Variants in COL10A1 observed in about 807,000 individuals in gnomAD.
COL10A1 encodes collagen type X alpha 1 chain, also known as collagen alpha-1(X) chain.
A neutral mutation model predicts 18.2 loss-of-function variants in COL10A1; 10 were observed. The observed-to-expected ratio is 0.55, with a 90% CI of 0.34 to 0.93. COL10A1 has a LOEUF of 0.93. Among genes scored for constraint, COL10A1 ranks in the 40% least tolerant of loss-of-function variants. The probability of loss-of-function intolerance (pLI) is 0.02; values close to 1 mark genes in which losing one functional copy is unlikely to be tolerated. For synonymous variants in COL10A1, 330 were observed against 316.6 expected (o/e 1.04, Z -0.45); for missense variants, 897 against 853.5 (o/e 1.05, Z -0.64).
At chr6:116,168,799 C>T in the COL10A1 span, among the ~76,000 whole-genome samples, 1 of 152,064 alleles carries the variant, frequency 6.6e-6, no homozygotes, top group African/African-American at 2.4e-5. Flanking sequence ...TAACTTTCTA[C>T]AGGGAGAACT....
the COL10A1 span, among the ~76,000 whole-genome samples, chr6:116,179,637 T>A: frequency 1.9e-3 from 292 of 152,218 alleles, 4 homozygotes; most frequent in African/African-American, 6.4e-3. Context: ...ATTCCCAGTG[T>A]TATCAAAAAG....
chr6:116,156,463 A>C (rs1034961489), intron 1 of COL10A1, among the ~76,000 whole-genome samples: 15 of 152,224 alleles, frequency 9.9e-5, no homozygotes, highest in Non-Finnish European at 1.9e-4. Flanking sequence ...CTGCCTCATA[A>C]GGGATTACTA....
chr6:116,140,944 G>T (rs1779749279), intron 1 of COL10A1, among the ~76,000 whole-genome samples: 1 of 152,072 alleles, frequency 6.6e-6, no homozygotes. Context: ...TTTCCTGGCT[G>T]CATGCAAAAG....
the COL10A1 span, among the ~76,000 whole-genome samples, chr6:116,195,786 T>A: frequency 6.6e-6 from 1 of 152,042 alleles, no homozygotes; most frequent in African/African-American, 2.4e-5. Flanking sequence ...TAAGCAAATT[T>A]AATGTGCACA....
intron 2 of COL10A1, among the ~76,000 whole-genome samples, chr6:116,124,297 T>C (rs548817831): frequency 6.6e-6 from 1 of 152,144 alleles, no homozygotes; most frequent in Non-Finnish European, 1.5e-5. Flanking sequence ...AATTAAAAAA[T>C]TATGGAAAGG....
intron 1 of COL10A1, among the ~76,000 whole-genome samples, chr6:116,150,299 T>A (rs1780007521): frequency 1.3e-5 from 2 of 152,118 alleles, no homozygotes; most frequent in Non-Finnish European, 2.9e-5. Flanking sequence ...TAATTATTAT[T>A]TTTTCAGACA....
At position 116,121,819 on chromosome 6, in the gene COL10A1, T is replaced by C. The variant is rs2114292484; in HGVS notation, c.297A>G (p.Pro99=). Residue 99 remains proline, a synonymous_variant, in exon 3 of 3, where the codon CCA becomes CCG. Coordinates refer to ENST00000651968, the MANE Select transcript of COL10A1 (RefSeq NM_000493.4). The part of the protein sequence containing the change: ...GLQGEPGLPG[P]PGPSAVGKPG... ...GTTTCCCTACAGCTGATGGTCCCGG[T>C]GGTCCTGGCAACCCTGGCTCTCCTT... 2 of 1,613,956 alleles carry C rather than the reference T, an allele frequency of 1.2e-6. No individual in the cohort carries two copies. Among genetic ancestry groups the C allele is most frequent in the East Asian group, 4.5e-5 (2 of 44,866 alleles).
At position 116,121,023 on chromosome 6, in the gene COL10A1, C is replaced by T; in HGVS notation, c.1093G>A (p.Gly365Arg). The change falls in exon 3 of 3, where the codon GGG becomes AGG. Residue 365 changes from glycine to arginine, a missense_variant. Physicochemically the swap from Gly to Arg is moderately radical, Grantham distance 125. Transcript: ENST00000651968. ...HGLPGPKGET[G>R]PAGPAGYPGA... ...GGGTATCCTGCAGGCCCAGCTGGCC[C>T]TGTCTCACCTTTAGGGCCTGGGAGA... The T allele has an allele frequency of 1.9e-6, 3 of 1,614,068 alleles. No homozygotes were observed. The highest frequency in any genetic ancestry group is 1.1e-5 in the South Asian group (1 of 91,086).
chr6:116,137,056 T>C (rs1562133389), intron 1 of COL10A1: 1 of 204,196 alleles, frequency 4.9e-6, no homozygotes, highest in East Asian at 1.2e-4. Flanking sequence ...AGTGACTTCA[T>C]TTTAAGTCAC....
At chr6:116,190,823 C>T in the COL10A1 span, among the ~76,000 whole-genome samples, 1 of 152,034 alleles carries the variant, frequency 6.6e-6, no homozygotes, top group East Asian at 1.9e-4. Flanking sequence ...TTCAGTAATC[C>T]AAGAAGGTGC....
At chr6:116,168,968 C>A in the COL10A1 span, among the ~76,000 whole-genome samples, 1 of 152,148 alleles carries the variant, frequency 6.6e-6, no homozygotes, top group African/African-American at 2.4e-5. Context: ...TTTGGGTCAA[C>A]CTGGAGAGCT....
intron 1 of COL10A1, among the ~76,000 whole-genome samples, chr6:116,155,320 T>C (rs1203846365): frequency 6.6e-6 from 1 of 152,172 alleles, no homozygotes; most frequent in Non-Finnish European, 1.5e-5. Flanking sequence ...ATCTTTCTTA[T>C]TATTAATGAC....
chr6:116,171,638 CT>C, the COL10A1 span, among the ~76,000 whole-genome samples: 23 of 152,256 alleles, frequency 1.5e-4, no homozygotes, highest in Non-Finnish European at 2.5e-4. Context: ...TTTGACTTGG[CT>C]GAATTCTCTC....
At chr6:116,135,866 T>TAC (rs1216907731) in intron 1 of COL10A1, among the ~76,000 whole-genome samples, 6 of 109,348 alleles carry the variant, frequency 5.5e-5, no homozygotes, top group African/African-American at 2.1e-4. Context: ...TATATATATA[T>TAC]ATATATACAC....
chr6:116,125,497 T>G lies in COL10A1; in HGVS notation c.-5A>C, dbSNP rs1250939683. On this transcript the variant is annotated 5_prime_UTR_variant, in exon 2 of 3. Transcript: ENST00000651968. The stretch of plus-strand genomic sequence containing the variant: ...AAAGGGTATTTGTGGCAGCATATTC[T>G]CAGATGGATTCTGAAAAACAGAAAA... 6.2e-7 allele frequency: 1 copy of G among 1,613,506 alleles called. No individual in the cohort carries two copies. The highest frequency in any genetic ancestry group is 1.1e-5 in the South Asian group (1 of 91,070).
the COL10A1 span, among the ~76,000 whole-genome samples, chr6:116,177,067 A>G: frequency 4.6e-5 from 7 of 152,356 alleles, no homozygotes; most frequent in South Asian, 1.2e-3. Flanking sequence ...TTTGATTTAT[A>G]GTATAGTTTC....
the COL10A1 span, among the ~76,000 whole-genome samples, chr6:116,179,994 C>T: frequency 6.6e-6 from 1 of 151,920 alleles, no homozygotes; most frequent in Non-Finnish European, 1.5e-5. Flanking sequence ...ATAAAATACC[C>T]AGAAGTTTAT....
chr6:116,153,082 A>C (rs899213229), intron 1 of COL10A1, among the ~76,000 whole-genome samples: 2 of 151,976 alleles, frequency 1.3e-5, no homozygotes, highest in Non-Finnish European at 1.5e-5. Flanking sequence ...TATAACATTT[A>C]ATAAAATCCC....
the COL10A1 span, among the ~76,000 whole-genome samples, chr6:116,195,840 A>T: frequency 6.6e-6 from 1 of 152,006 alleles, no homozygotes; most frequent in Non-Finnish European, 1.5e-5. Flanking sequence ...GACCAAAGAG[A>T]TGCTATTTTC....
Sources: allele counts gnomAD v4.1 joint callset (sites outside exome capture counted in the v4.1 genomes callset), GRCh38; gene constraint gnomAD v4.1.1; transcripts MANE v1.5; gene names NCBI Gene and HGNC (gene_info 2026-07-23, HGNC 2026-07-21).